Variants in SMARCA2 observed in about 807,000 individuals in gnomAD.
SMARCA2 encodes the protein SWI/SNF-related matrix-associated actin-dependent regulator of chromatin subfamily A member 2.
A neutral mutation model predicts 199.8 loss-of-function variants in SMARCA2; 61 were observed. The ratio of observed to expected loss-of-function variants is 0.31; its 90% confidence interval spans 0.25 to 0.38. The LOEUF (loss-of-function observed/expected upper bound fraction) is 0.38, where lower values mean the gene tolerates loss of function less well. SMARCA2 is among the 10% of genes least tolerant of loss of function. The pLI is 1.00. For synonymous variants in SMARCA2, 935 were observed against 732.0 expected, an observed-to-expected ratio of 1.28 and a Z score of -4.48; for missense variants, 1,344 against 2,012.2, an observed-to-expected ratio of 0.67 and a Z score of 6.35.
chr9:2,088,156 C>T (rs1427282382), intron 18 of SMARCA2, among the ~76,000 whole-genome samples: 1 of 152,146 alleles, frequency 6.6e-6, no homozygotes, highest in Non-Finnish European at 1.5e-5. Flanking sequence ...TAACTGTTGC[C>T]CACCTTCTCC....
rs866426410 is a variant in SMARCA2 at position 2,192,949 on chromosome 9, A to G, written c.*210A>G. Reference sequence around the variant, plus strand: ...AATATTTGTAACATATTGTGACCAAATGGGCCTCAAAGATTCAGATTGAAA... The same window carrying G: ...AATATTTGTAACATATTGTGACCAAGTGGGCCTCAAAGATTCAGATTGAAA... On this transcript the variant is annotated 3_prime_UTR_variant, in exon 34 of 34. Transcript: ENST00000349721. 10 of 510,580 alleles carry G rather than the reference A, an allele frequency of 2.0e-5. No individual in the cohort carries two copies. The highest frequency in any genetic ancestry group is 4.9e-4 in the Middle Eastern group (1 of 2,044). 31.6% of individuals were successfully genotyped at this position (510,580 alleles called of 1,614,324 possible).
intron 28 of SMARCA2, among the ~76,000 whole-genome samples, chr9:2,163,199 G>T (rs935764966): frequency 6.6e-6 from 1 of 152,206 alleles, no homozygotes; most frequent in Non-Finnish European, 1.5e-5. Flanking sequence ...GGAGTAGGTG[G>T]AGATGTTTGT....
intron 4 of SMARCA2, chr9:2,041,101 A>G (rs1036770514): frequency 2.9e-6 from 1 of 345,816 alleles, no homozygotes; most frequent in Non-Finnish European, 5.2e-6. Context: ...TTTGGGCCTT[A>G]TACCATGGGA....
intron 14 of SMARCA2, among the ~76,000 whole-genome samples, chr9:2,078,612 G>A (rs1275486349): frequency 6.6e-6 from 1 of 152,050 alleles, no homozygotes; most frequent in African/African-American, 2.4e-5. Flanking sequence ...CCCAAATTGT[G>A]TTCCATGAGA....
At chr9:2,041,577 CAT>C (rs1318737477) in intron 4 of SMARCA2, 3 of 394,664 alleles carry the variant, frequency 7.6e-6, no homozygotes, top group African/African-American at 2.1e-5. Context: ...AGGATTTTAA[CAT>C]ATGAATTTTG....
chr9:2,169,876 CGAAAAG>C lies in SMARCA2; in HGVS notation c.4200-539_4200-534del, dbSNP rs1563822294. On this transcript the variant is annotated intron_variant, in intron 28 of 33. Transcript: ENST00000349721. This position sits in a 1 kb window ranked among gnomAD's most constrained non-coding sequence, Gnocchi z 6.5. ...AAAGATCATGAATTCAGTGATCTCTCGAAAAGGAATAGAGCTCTTGGAAGCAGAGCT... is the reference window on the plus strand; with the variant it reads ...AAAGATCATGAATTCAGTGATCTCTCGAATAGAGCTCTTGGAAGCAGAGCT... Among the ~76,000 whole-genome samples, 1 of 152,150 alleles carries C rather than the reference CGAAAAG, an allele frequency of 6.6e-6. No individual in the cohort carries two copies. Among genetic ancestry groups the C allele is most frequent in the African/African-American group, 2.4e-5 (1 of 41,434 alleles).
chr9:2,097,353 A>G (rs757706628), intron 20 of SMARCA2, 32 bp from the exon 21 acceptor site: 1 of 1,334,508 alleles, frequency 7.5e-7, no homozygotes, highest in South Asian at 1.2e-5. Flanking sequence ...GTTAATAATT[A>G]ATTCTATTTT....
chr9:2,108,600 T>G (rs1395744021), intron 23 of SMARCA2, among the ~76,000 whole-genome samples: 1 of 152,226 alleles, frequency 6.6e-6, no homozygotes, highest in Non-Finnish European at 1.5e-5. Context: ...AATTTTTGGT[T>G]TCTGTGGCTT....
chr9:2,133,740 G>T (rs918922035), intron 27 of SMARCA2, among the ~76,000 whole-genome samples: 1 of 152,078 alleles, frequency 6.6e-6, no homozygotes, highest in African/African-American at 2.4e-5. Context: ...GTGGGGAAGA[G>T]TACAGTTTAG....
chr9:2,132,304 G>A (rs1249040841), intron 27 of SMARCA2, among the ~76,000 whole-genome samples: 2 of 152,208 alleles, frequency 1.3e-5, no homozygotes, highest in Non-Finnish European at 1.5e-5. Context: ...GCAAGCTAAT[G>A]CCTCCTCTGG....
intron 12 of SMARCA2, among the ~76,000 whole-genome samples, chr9:2,074,481 T>G (rs1209322614): frequency 6.6e-6 from 1 of 152,212 alleles, no homozygotes. Context: ...TTTGTGGACC[T>G]GTGTTTTCCA....
intron 3 of SMARCA2, among the ~76,000 whole-genome samples, chr9:2,034,249 A>C (rs1819216677): frequency 6.6e-6 from 1 of 151,860 alleles, no homozygotes; most frequent in Admixed American, 6.6e-5. Flanking sequence ...TCTCAAAAAA[A>C]AAAAAAAAAA....
intron 27 of SMARCA2, among the ~76,000 whole-genome samples, chr9:2,148,628 T>A (rs1824886693): frequency 6.6e-6 from 1 of 151,274 alleles, no homozygotes; most frequent in African/African-American, 2.4e-5. Context: ...AGGAGATGTT[T>A]TCTTTCTTTT....
At chr9:2,148,563 C>A (rs1824883122) in intron 27 of SMARCA2, among the ~76,000 whole-genome samples, 1 of 151,592 alleles carries the variant, frequency 6.6e-6, no homozygotes, top group East Asian at 1.9e-4. Context: ...CATATCTATA[C>A]ATGTGCCATG....
chr9:2,077,764 A>G lies in SMARCA2; in HGVS notation c.2172A>G (p.Leu724=). 6 of 1,610,688 alleles carry G rather than the reference A, an allele frequency of 3.7e-6. No individual in the cohort carries two copies. The highest frequency in any genetic ancestry group is 5.1e-6 in the Non-Finnish European group (6 of 1,178,436). The change falls in exon 14 of 34, where the codon CTA becomes CTG. Residue 724 remains leucine, a synonymous_variant. Transcript: ENST00000349721. The stretch of plus-strand genomic sequence containing the variant: ...CTGCCCTCCTAATTAATGGGACCCT[A>G]AAGCATTACCAGGTAATTGGCATGG... The part of the protein sequence containing the change: ...KQSALLINGT[L]KHYQLQGLEW...
chr9:2,160,628 CTTA>C (rs1474393064), intron 27 of SMARCA2: 3 of 701,860 alleles, frequency 4.3e-6, no homozygotes, highest in Admixed American at 2.0e-5. Flanking sequence ...AGGTAATTGC[CTTA>C]TGATTAGAGC....
At chr9:2,181,855 G>T (rs776821622) in intron 30 of SMARCA2, among the ~76,000 whole-genome samples, 179 bp downstream of exon 30, 1 of 152,178 alleles carries the variant, frequency 6.6e-6, no homozygotes, top group Non-Finnish European at 1.5e-5. Context: ...GAGAGCTCAC[G>T]TTATATTGCA....
At position 2,039,792 on chromosome 9, in the gene SMARCA2, CAG is replaced by C. The variant is rs1491162254; in HGVS notation, c.683_684del (p.Gln228ProfsTer30). On this transcript the variant is annotated frameshift_variant, in exon 4 of 34. Transcript: ENST00000349721. LOFTEE classifies it high-confidence loss of function. This position sits in a 1 kb window ranked among gnomAD's most constrained non-coding sequence, Gnocchi z 4.8. ...QQQQQQQQQQQQQQQQQQQQQ... is the reference protein window; with the variant it reads ...QQQQQQQQQQXQQQQQQQQQQ... ...GCAGCAGCAACAGCAGCAGCAGCAG[CAG>C]CAGCAGCAGCAGCAGCAGCAGCAAC... 85 of 1,592,854 alleles carry C rather than the reference CAG, an allele frequency of 5.3e-5. 1 individual carries two copies. The highest frequency in any genetic ancestry group is 2.0e-4 in the East Asian group (9 of 44,464).
chr9:2,123,674 T>C lies in SMARCA2; in HGVS notation c.3763-45T>C, dbSNP rs1823563221. On this transcript the variant is annotated intron_variant, in intron 26 of 33. Transcript: ENST00000349721. This position sits in a 1 kb window ranked among gnomAD's most constrained non-coding sequence, Gnocchi z 4.1. ...GTGTAGTGCTGGGAAGTCTGCACCATACAGAAGCCCTGACTTTCGGTGACC... is the reference window on the plus strand; with the variant it reads ...GTGTAGTGCTGGGAAGTCTGCACCACACAGAAGCCCTGACTTTCGGTGACC... 1.9e-6 allele frequency: 3 copies of C among 1,556,874 alleles called. No individual in the cohort carries two copies. Among genetic ancestry groups the C allele is most frequent in the Admixed American group, 1.7e-5 (1 of 58,902 alleles).
Sources: allele counts gnomAD v4.1 joint callset (sites outside exome capture counted in the v4.1 genomes callset), GRCh38; gene constraint gnomAD v4.1.1; non-coding constraint Gnocchi (gnomAD v3.1); transcripts MANE v1.5; gene names NCBI Gene and HGNC (gene_info 2026-07-23, HGNC 2026-07-21).